The following BTD variants were observed in gnomAD, a reference collection of about 807,000 sequenced individuals.
BTD encodes biocytinase.
BTD carries 13 observed loss-of-function variants against 17.7 expected under a neutral mutation model. The observed-to-expected ratio is 0.74, with a 90% confidence interval of 0.48 to 1.17. The LOEUF is 1.17. BTD is among the 50% of genes most tolerant of loss of function. The pLI is 0.00. For synonymous variants in BTD, 240 were observed against 245.2 expected, an observed-to-expected ratio of 0.98 and a Z score of 0.20; for missense variants, 674 against 650.4, an observed-to-expected ratio of 1.04 and a Z score of -0.39.
In BTD at chr3:15,653,024, C is replaced by T. The variant is rs1165171371; in HGVS notation, c.*7536C>T. Among the ~76,000 whole-genome samples, 1 of 152,202 alleles carries T rather than the reference C, an allele frequency of 6.6e-6. No homozygotes were observed. Among genetic ancestry groups the T allele is most frequent in the African/African-American group, 2.4e-5 (1 of 41,450 alleles). ...GTATTCTGACAGTGGCCAGGAAAAC[C>T]TCCTGCCCGCAGAATTTTGTCTAAT... is the stretch of plus-strand genomic sequence containing the variant. On this transcript the variant is annotated 3_prime_UTR_variant, in exon 4 of 4. Coordinates refer to ENST00000643237, the MANE Select transcript of BTD (RefSeq NM_001370658.1).
At chr3:15,629,955 T>G (rs780630753) in intron 1 of BTD, 1 of 678,918 alleles carries the variant, frequency 1.5e-6, no homozygotes, top group Non-Finnish European at 1.8e-6. Context: ...CGGTTTATAT[T>G]GCATGTAAAA....
At chr3:15,659,584 C>T (rs1034372235) in intron 3 of BTD, among the ~76,000 whole-genome samples, 1 of 152,228 alleles carries the variant, frequency 6.6e-6, no homozygotes, top group African/African-American at 2.4e-5. Flanking sequence ...ACTGTCTTGA[C>T]ATCTGCTTTT....
At position 15,635,693 on chromosome 3, in the gene BTD, G is replaced by GT; in HGVS notation, c.249+5_249+6insT. Reference sequence around the variant, plus strand: ...GTGATGACTGCAGCCCAAAAGGCAAGAATGCTCCTCGGAACCTGAGTTTCT... The same window carrying GT: ...GTGATGACTGCAGCCCAAAAGGCAAGTAATGCTCCTCGGAACCTGAGTTTCT... On this transcript the variant is annotated splice_donor_region_variant and intron_variant, in intron 2 of 3. Coordinates refer to ENST00000643237, the MANE Select transcript of BTD (RefSeq NM_001370658.1). The surrounding 1 kb of genome is among the most constrained non-coding windows in gnomAD (Gnocchi z 4.1). 6.2e-7 allele frequency: 1 copy of GT among 1,614,110 alleles called. No homozygotes were observed. The highest frequency in any genetic ancestry group is 8.5e-7 in the Non-Finnish European group (1 of 1,179,974).
At chr3:15,654,738 ATT>A (rs60086899), downstream of BTD, among the ~76,000 whole-genome samples, 3 of 140,766 alleles carry the variant, frequency 2.1e-5, no homozygotes, top group Non-Finnish European at 3.1e-5. Context: ...CACTTGGCTA[ATT>A]TTTTTTTTTT....
Position 15,644,772 on chromosome 3 carries a change from C to A in BTD, c.856C>A (p.Leu286Met). 3 of 1,614,164 alleles carry A rather than the reference C, an allele frequency of 1.9e-6. No individual in the cohort carries two copies. Among genetic ancestry groups the A allele is most frequent in the Non-Finnish European group, 2.5e-6 (3 of 1,180,036 alleles). ...GGCAGCTAATGTCCACCACCCAGTTCTGGGGATGACAGGAAGTGGCATACA... is the reference window on the plus strand; with the variant it reads ...GGCAGCTAATGTCCACCACCCAGTTATGGGGATGACAGGAAGTGGCATACA... The part of the protein sequence containing the change: ...VLAANVHHPV[L>M]GMTGSGIHTP... Residue 286 changes from leucine to methionine, a missense_variant, in exon 4 of 4, where the codon CTG becomes ATG. Physicochemically the swap from Leu to Met is conservative, Grantham distance 15. Transcript: ENST00000643237.
intron 3 of BTD, among the ~76,000 whole-genome samples, chr3:15,699,241 C>T (rs2070175387): frequency 6.6e-6 from 1 of 152,134 alleles, no homozygotes; most frequent in African/African-American, 2.4e-5. Context: ...AAAATTAACT[C>T]AAGATGGATT....
intron 2 of BTD, among the ~76,000 whole-genome samples, chr3:15,641,672 G>C (rs1482183941): frequency 3.9e-5 from 6 of 152,288 alleles, no homozygotes; most frequent in Admixed American, 3.9e-4. Flanking sequence ...CCCAGGCACA[G>C]TTAATGGTTG....
rs1674168512 is a variant in BTD at position 15,647,716 on chromosome 3, A to G, written c.*2228A>G. On this transcript the variant is annotated 3_prime_UTR_variant, in exon 4 of 4. Transcript: ENST00000643237. ...ACTCAGGAAGCAAATGGCAATCTTG[A>G]CCACAACATGGAGACAGGAAATCAA... 1 of 152,226 alleles carries G rather than the reference A, an allele frequency of 6.6e-6. No homozygotes were observed. The highest frequency in any genetic ancestry group is 1.5e-5 in the Non-Finnish European group (1 of 68,050). 9.4% of individuals were successfully genotyped at this position (152,226 alleles called of 1,614,324 possible). A position where few individuals can be genotyped will look rare whatever the true frequency, so the allele number is the denominator to read the frequency against.
intron 1 of BTD, 140 bp downstream of exon 1, chr3:15,602,034 C>A: frequency 4.0e-6 from 6 of 1,488,792 alleles, no homozygotes; most frequent in Non-Finnish European, 4.5e-6. Flanking sequence ...GCGTCGTTTG[C>A]TGGGGCTGTT....
intron 3 of BTD, chr3:15,679,533 T>C: frequency 6.2e-7 from 1 of 1,613,254 alleles, no homozygotes; most frequent in Non-Finnish European, 8.5e-7. Context: ...AACTTCCTGT[T>C]CTAAAAGCAG....
intron 3 of BTD, among the ~76,000 whole-genome samples, chr3:15,685,692 AATG>A (rs2068031089): frequency 6.6e-6 from 1 of 152,208 alleles, no homozygotes; most frequent in Non-Finnish European, 1.5e-5. Context: ...CAATGAAAAT[AATG>A]ATATTTCAAA....
At chr3:15,631,474 T>C (rs1214245001) in intron 1 of BTD, 3 of 1,535,276 alleles carry the variant, frequency 2.0e-6, no homozygotes, top group East Asian at 4.9e-5. Context: ...CAGCTAATTA[T>C]TAAGATGAAT....
intron 3 of BTD, among the ~76,000 whole-genome samples, chr3:15,660,129 C>T (rs1203195877): frequency 2.0e-5 from 3 of 152,204 alleles, no homozygotes; most frequent in African/African-American, 7.2e-5. Flanking sequence ...GTACTATGGT[C>T]CTCATTTCAC....
At chr3:15,637,926 A>T (rs954643200) in intron 2 of BTD, among the ~76,000 whole-genome samples, 1 of 152,144 alleles carries the variant, frequency 6.6e-6, no homozygotes, top group Non-Finnish European at 1.5e-5. Context: ...CTCCGTCTCT[A>T]TTTGTTTTCC....
chr3:15,700,162 A>G (rs1247084289), intron 3 of BTD, among the ~76,000 whole-genome samples: 1 of 152,140 alleles, frequency 6.6e-6, no homozygotes, highest in Non-Finnish European at 1.5e-5. Flanking sequence ...GCATGTTCTC[A>G]CTCATACGTG....
chr3:15,678,263 T>G, intron 3 of BTD: 1 of 1,613,060 alleles, frequency 6.2e-7, no homozygotes, highest in Non-Finnish European at 8.5e-7. Context: ...GTTTTCCCTG[T>G]AGAGTCCACA....
At chr3:15,611,883 A>T (rs954246291) in intron 1 of BTD, among the ~76,000 whole-genome samples, 9 of 151,074 alleles carry the variant, frequency 6.0e-5, no homozygotes, top group South Asian at 4.2e-4. Context: ...ATTCTTTTTT[A>T]AAAAAAATTC....
At chr3:15,722,501 C>A (rs1294111776), downstream of BTD, among the ~76,000 whole-genome samples, 1 of 152,170 alleles carries the variant, frequency 6.6e-6, no homozygotes, top group African/African-American at 2.4e-5. Context: ...TAATAAACCA[C>A]AACCATGAGT....
chr3:15,713,869 A>C (rs1011355727), downstream of BTD, among the ~76,000 whole-genome samples: 1 of 152,226 alleles, frequency 6.6e-6, no homozygotes, highest in South Asian at 2.1e-4. Context: ...TTTTAAATTG[A>C]CAAGAGGGTT....
Sources: gnomAD v4.1 joint callset for allele counts (sites outside exome capture counted in the v4.1 genomes callset) on GRCh38, gnomAD v4.1.1 for gene constraint, Gnocchi (gnomAD v3.1) non-coding constraint, MANE v1.5 for transcripts, NCBI Gene and HGNC (gene_info 2026-07-23, HGNC 2026-07-21) for gene names.